ZNF18: variants seen among roughly 807,000 people sequenced by gnomAD.
The protein encoded by ZNF18 is zinc finger protein 18.
Under a neutral mutation model 58.1 loss-of-function variants are expected in ZNF18, and 42 were observed. The observed-to-expected ratio is 0.72, with a 90% confidence interval of 0.56 to 0.93. The LOEUF (loss-of-function observed/expected upper bound fraction) is 0.93, where lower values mean the gene tolerates loss of function less well. Ranked by LOEUF, ZNF18 falls within the 40% of genes least tolerant of loss-of-function variation. The pLI is 0.00. For synonymous variants in ZNF18, 231 were observed against 239.8 expected (o/e 0.96, Z 0.34); for missense variants, 540 against 644.2 (o/e 0.84, Z 1.75).
intron 1 of ZNF18, chr17:11,996,972 G>A (rs1567611062): frequency 6.6e-6 from 1 of 152,232 alleles, no homozygotes; most frequent in Non-Finnish European, 1.5e-5. Context: ...TTTAGTGCTC[G>A]AGGCCAGGGC....
rs1333579307 is a variant in ZNF18 at position 11,983,324 on chromosome 17, C to T, written c.835G>A (p.Glu279Lys). ...ELAGIYLHVNEKIPRPTCIGD... is the reference protein window; with the variant it reads ...ELAGIYLHVNKKIPRPTCIGD... ...ATGCAGGTGGGTCTTGGGATCTTCT[C>T]ATTGACATGAAGGTATATTCCTGCC... Residue 279 changes from glutamate (E) to lysine (K), a missense_variant, in exon 6 of 7, where the codon GAG (glutamate) becomes AAG (lysine). Coordinates refer to ENST00000580306, the MANE Select transcript of ZNF18 (RefSeq NM_001303281.2). 1 of 1,613,952 alleles carries T rather than the reference C, an allele frequency of 6.2e-7. No homozygotes were observed. The highest frequency in any genetic ancestry group is 1.1e-5 in the South Asian group (1 of 91,052).
chr17:11,978,843 T>A, intron 6 of ZNF18, 99 bp from the exon 7 acceptor site: 2 of 566,792 alleles, frequency 3.5e-6, no homozygotes, highest in Non-Finnish European at 5.2e-6. Context: ...TCATTTTCTT[T>A]TTTTTTTTTT....
the ZNF18 span, among the ~76,000 whole-genome samples, chr17:12,018,493 T>C: frequency 6.6e-6 from 1 of 152,214 alleles, no homozygotes; most frequent in Non-Finnish European, 1.5e-5. Flanking sequence ...CCAGTCCTAT[T>C]GGATTAGGGC....
At chr17:11,987,726 C>T (rs1407939042) in intron 4 of ZNF18, among the ~76,000 whole-genome samples, 2 of 152,208 alleles carry the variant, frequency 1.3e-5, no homozygotes, top group Admixed American at 6.5e-5. Flanking sequence ...TTCCACAGAA[C>T]ACCCAAATCT....
At chr17:11,983,970 G>T in intron 5 of ZNF18, 143 bp downstream of exon 5, 1 of 614,630 alleles carries the variant, frequency 1.6e-6, no homozygotes, top group Non-Finnish European at 2.7e-6. Context: ...GCTCCAACTT[G>T]CCCCAGTTCC....
the ZNF18 span, chr17:12,020,867 T>A: frequency 2.4e-6 from 2 of 850,918 alleles, no homozygotes; most frequent in Non-Finnish European, 1.5e-6. Flanking sequence ...GCGGCGCCGC[T>A]CGGCTCTTCA....
In ZNF18 at chr17:11,978,733, CTT is replaced by C. The variant is rs1370132314; in HGVS notation, c.872_873del (p.Gln291ArgfsTer3). On this transcript the variant is annotated frameshift_variant, in exon 7 of 7. Coordinates refer to ENST00000580306, the MANE Select transcript of ZNF18 (RefSeq NM_001303281.2). LOFTEE classifies it high-confidence loss of function. ...AAATTTAGGTTCTCCTTGTCATTCT[CTT>C]GTCTATCTCCTAAAAGAAGAAAGAA... is the stretch of plus-strand genomic sequence containing the variant. The part of the protein sequence containing the change: ...IPRPTCIGDR[Q>X]ENDKENLNLE... 1.9e-6 allele frequency: 3 copies of C among 1,589,666 alleles called. No homozygotes were observed. The highest frequency in any genetic ancestry group is 2.6e-6 in the Non-Finnish European group (3 of 1,174,412).
At chr17:12,014,779 G>A in the ZNF18 span, among the ~76,000 whole-genome samples, 5 of 152,116 alleles carry the variant, frequency 3.3e-5, no homozygotes, top group African/African-American at 4.8e-5. Flanking sequence ...GGCCGGGCGC[G>A]GTGGCTTACA....
At chr17:12,020,911 G>A in the ZNF18 span, 27 of 1,215,594 alleles carry the variant, frequency 2.2e-5, no homozygotes, top group Admixed American at 1.3e-4. Context: ...CCCGAGCGGC[G>A]GCGGCGGCTC....
chr17:12,020,342 A>ACT, the ZNF18 span, among the ~76,000 whole-genome samples: 1 of 151,898 alleles, frequency 6.6e-6, no homozygotes, highest in Non-Finnish European at 1.5e-5. Flanking sequence ...TCCCCTTGGG[A>ACT]CTCCCCTTTC....
At chr17:12,018,935 T>C in the ZNF18 span, among the ~76,000 whole-genome samples, 33 of 150,774 alleles carry the variant, frequency 2.2e-4, 1 homozygote, top group South Asian at 5.6e-3. Flanking sequence ...TTCCTATATA[T>C]ATATAAATAT....
intron 6 of ZNF18, among the ~76,000 whole-genome samples, chr17:11,981,318 CT>C (rs35186030): frequency 0.13 from 18,268 of 135,718 alleles, 1,013 homozygotes; most frequent in East Asian, 0.18. Context: ...CACATATCCT[CT>C]TTTTTTTTTT....
chr17:11,982,941 A>G (rs958881402), intron 6 of ZNF18, among the ~76,000 whole-genome samples: 5 of 152,156 alleles, frequency 3.3e-5, no homozygotes, highest in Admixed American at 3.3e-4. Context: ...TAGGAAGGGT[A>G]ATAATGGCTG....
chr17:11,988,050 T>C lies in ZNF18; in HGVS notation c.666+2412A>G, dbSNP rs374985647. Among the ~76,000 whole-genome samples, 47 of 152,270 alleles carry C rather than the reference T, an allele frequency of 3.1e-4. No homozygotes were observed. The East Asian group carries it at 8.3e-3, about 27-fold the overall frequency. On this transcript the variant is annotated intron_variant, in intron 4 of 6. Coordinates refer to ENST00000580306, the MANE Select transcript of ZNF18 (RefSeq NM_001303281.2). Reference sequence around the variant, plus strand: ...GTTTTAAATGATGTTTTAATTAAGATGTATAGGTTCGTGAAAAAAAAATTT... The same window carrying C: ...GTTTTAAATGATGTTTTAATTAAGACGTATAGGTTCGTGAAAAAAAAATTT...
intron 6 of ZNF18, among the ~76,000 whole-genome samples, chr17:11,982,059 C>G (rs1967398113): frequency 6.6e-6 from 1 of 151,986 alleles, no homozygotes; most frequent in Admixed American, 6.6e-5. Context: ...CAGTCTCTCC[C>G]TTCCTCTCCG....
At chr17:12,013,338 CT>C in the ZNF18 span, among the ~76,000 whole-genome samples, 41 of 152,278 alleles carry the variant, frequency 2.7e-4, no homozygotes, top group East Asian at 7.3e-3. Flanking sequence ...TGTCTTTTGA[CT>C]TTGCTTATTG....
At chr17:11,993,942 A>T (rs756803995) in intron 1 of ZNF18, among the ~76,000 whole-genome samples, 84 of 151,772 alleles carry the variant, frequency 5.5e-4, no homozygotes, top group Non-Finnish European at 9.1e-4. Context: ...ATTTTAGAAG[A>T]TCACAACTAA....
Position 11,978,842 on chromosome 17 carries a change from T to TTTC in ZNF18, c.863-99_863-98insGAA, listed in dbSNP as rs1375164781. The TTTC allele has an allele frequency of 2.4e-5, 10 of 423,954 alleles. No individual in the cohort carries two copies. The African/African-American group carries it at 2.5e-4, about 11-fold the overall frequency. The allele number at this position is 423,954 out of a possible 1,614,324, so 26.3% of individuals were successfully genotyped here. A position where few individuals can be genotyped will look rare whatever the true frequency, so the allele number is the denominator to read the frequency against. The stretch of plus-strand genomic sequence containing the variant: ...GGTCATCATAAAACATTCATTTTCT[T>TTTC]TTTTTTTTTTTTTTTTTTTTTTTTA... On this transcript the variant is annotated intron_variant, in intron 6 of 6. Transcript: ENST00000580306.
the ZNF18 span, among the ~76,000 whole-genome samples, chr17:12,019,093 T>C: frequency 8.6e-5 from 13 of 151,868 alleles, no homozygotes; most frequent in African/African-American, 2.7e-4. Context: ...TAGCTGGGAT[T>C]ATAGGTACCT....
Sources: gnomAD v4.1 joint callset for allele counts (sites outside exome capture counted in the v4.1 genomes callset) on GRCh38, gnomAD v4.1.1 for gene constraint, MANE v1.5 for transcripts, NCBI Gene and HGNC (gene_info 2026-07-23, HGNC 2026-07-21) for gene names.